UGT1A6: variants seen among roughly 807,000 people sequenced by gnomAD.
UGT1A6 encodes the protein UDP glucuronosyltransferase family 1 member A6.
UGT1A6 carries 32 observed loss-of-function variants against 44.4 expected under a neutral mutation model. The ratio of observed to expected loss-of-function variants is 0.72; its 90% CI spans 0.54 to 0.97. UGT1A6 has a LOEUF of 0.97. UGT1A6 is among the 50% of genes least tolerant of loss of function. The pLI is 0.00. For synonymous variants in UGT1A6, 238 were observed against 248.5 expected, an observed-to-expected ratio of 0.96 and a Z score of 0.40; for missense variants, 685 against 661.9, an observed-to-expected ratio of 1.03 and a Z score of -0.38.
At chr2:233,743,757 C>G (rs774172513) in intron 1 of UGT1A6, 2 of 1,367,374 alleles carry the variant, frequency 1.5e-6, no homozygotes, top group South Asian at 1.1e-5. Context: ...GACAACACCT[C>G]GTAGGCCTCG....
intron 1 of UGT1A6, among the ~76,000 whole-genome samples, chr2:233,766,739 C>T (rs1028534873): frequency 6.6e-6 from 1 of 152,120 alleles, no homozygotes; most frequent in East Asian, 1.9e-4. Context: ...TGTGTATGTA[C>T]AGGTGTGTGC....
chr2:233,766,390 C>T (rs11679312), intron 1 of UGT1A6, among the ~76,000 whole-genome samples: 2,966 of 152,260 alleles, frequency 0.019, 34 homozygotes, highest in Non-Finnish European at 0.031. Context: ...GTCCAGCTGT[C>T]CTTGCGTCCC....
In UGT1A6 at chr2:233,766,945, A is replaced by G. The variant is rs1284295869; in HGVS notation, c.862-89A>G. 3.1e-6 allele frequency: 5 copies of G among 1,597,954 alleles called. No homozygotes were observed. In the East Asian group the frequency reaches 1.1e-4, roughly 36 times the overall value. ...ACGCATGCCTTTAATCATAGTCTTA[A>G]GAGGAAGATATCTAATTCATAACTT... On this transcript the variant is annotated intron_variant, in intron 1 of 4. Coordinates refer to ENST00000305139, the MANE Select transcript of UGT1A6 (RefSeq NM_001072.4).
At chr2:233,730,491 G>C (rs1414931155) in intron 1 of UGT1A6, among the ~76,000 whole-genome samples, 4 of 152,196 alleles carry the variant, frequency 2.6e-5, no homozygotes, top group African/African-American at 9.6e-5. Context: ...TGAAATAGAA[G>C]TGTCAGAGAG....
At chr2:233,704,796 T>TTA (rs2075807222) in intron 1 of UGT1A6, among the ~76,000 whole-genome samples, 1 of 152,134 alleles carries the variant, frequency 6.6e-6, no homozygotes, top group African/African-American at 2.4e-5. Flanking sequence ...AACAATATAA[T>TTA]TATATATATG....
At chr2:233,702,042 A>C (rs1306276715) in intron 1 of UGT1A6, among the ~76,000 whole-genome samples, 1 of 152,222 alleles carries the variant, frequency 6.6e-6, no homozygotes, top group Non-Finnish European at 1.5e-5. Flanking sequence ...CCCTTCAAAA[A>C]ATTAACAATT....
chr2:233,694,505 T>C (rs2076734533), intron 1 of UGT1A6, among the ~76,000 whole-genome samples: 1 of 152,180 alleles, frequency 6.6e-6, no homozygotes, highest in African/African-American at 2.4e-5. Flanking sequence ...ACAGATGCCC[T>C]CCTGACATGT....
intron 1 of UGT1A6, among the ~76,000 whole-genome samples, chr2:233,724,482 A>T (rs1472429927): frequency 6.4e-4 from 41 of 64,386 alleles, no homozygotes; most frequent in South Asian, 1.8e-3. Flanking sequence ...CACTTCTCAG[A>T]CGGGGCGGCC....
rs149894725 is a variant in UGT1A6 at position 233,704,012 on chromosome 2, G to A, written c.861+10147G>A. Among the ~76,000 whole-genome samples the A allele has an allele frequency of 1.6e-4, 24 of 151,646 alleles. No individual in the cohort carries two copies. In the South Asian group the frequency reaches 2.5e-3, roughly 16 times the overall value. ...TTCAAGCAGTTCTCCCACCTCAGCC[G>A]CCCGAGCAGCTGGAACTACAGGTGT... On this transcript the variant is annotated intron_variant, in intron 1 of 4. Coordinates refer to ENST00000305139, the MANE Select transcript of UGT1A6 (RefSeq NM_001072.4).
chr2:233,700,655 T>G (rs1207432323), intron 1 of UGT1A6, among the ~76,000 whole-genome samples: 1 of 152,198 alleles, frequency 6.6e-6, no homozygotes, highest in African/African-American at 2.4e-5. Flanking sequence ...TTTACATATT[T>G]CTACTTTTCA....
At chr2:233,761,015 C>A (rs568151745) in intron 1 of UGT1A6, 1 of 1,614,218 alleles carries the variant, frequency 6.2e-7, no homozygotes, top group Admixed American at 1.7e-5. Flanking sequence ...AGAGAGGTGA[C>A]TGTCCAGGAC....
At chr2:233,701,918 C>A (rs936190696) in intron 1 of UGT1A6, among the ~76,000 whole-genome samples, 1 of 152,056 alleles carries the variant, frequency 6.6e-6, no homozygotes, top group Non-Finnish European at 1.5e-5. Flanking sequence ...GACACCCTAA[C>A]ATCACAATTA....
At chr2:233,729,066 A>G (rs1283687503) in intron 1 of UGT1A6, 3 of 1,611,112 alleles carry the variant, frequency 1.9e-6, no homozygotes, top group Non-Finnish European at 2.5e-6. Context: ...TAAGATGAAG[A>G]AAGCAAATGT....
chr2:233,738,550 A>G (rs1046913634), intron 1 of UGT1A6, among the ~76,000 whole-genome samples: 1 of 152,224 alleles, frequency 6.6e-6, no homozygotes, highest in African/African-American at 2.4e-5. Flanking sequence ...AGTCTCAGAT[A>G]GAGATGAGGA....
In UGT1A6 at chr2:233,693,488, T is replaced by A; in HGVS notation, c.484T>A (p.Tyr162Asn). 6.2e-7 allele frequency: 1 copy of A among 1,614,100 alleles called. No individual in the cohort carries two copies. The highest frequency in any genetic ancestry group is 1.3e-5 in the African/African-American group (1 of 75,000). ...ALPCGVILAEYLGLPSVYLFR... is the reference protein window; with the variant it reads ...ALPCGVILAENLGLPSVYLFR... ...ACCCTGTGGGGTGATCCTGGCTGAG[T>A]ATTTGGGCCTACCATCTGTGTACCT... is the stretch of plus-strand genomic sequence containing the variant. Residue 162 changes from tyrosine (Y) to asparagine (N), a missense_variant, in exon 1 of 5, where the codon TAT becomes AAT. Transcript: ENST00000305139.
chr2:233,692,757 G>A, upstream of UGT1A6: 1 of 1,177,646 alleles, frequency 8.5e-7, no homozygotes, highest in Non-Finnish European at 1.1e-6. Context: ...GACTTGTGGA[G>A]CTGAAGAGAA....
chr2:233,738,647 T>G (rs1690861209), intron 1 of UGT1A6, among the ~76,000 whole-genome samples: 1 of 152,210 alleles, frequency 6.6e-6, no homozygotes, highest in Non-Finnish European at 1.5e-5. Context: ...TAGAGCTCTT[T>G]GGAACTACGA....
At chr2:233,693,927 A>T in intron 1 of UGT1A6, 62 bp downstream of exon 1, 1 of 1,608,872 alleles carries the variant, frequency 6.2e-7, no homozygotes, top group East Asian at 2.2e-5. Flanking sequence ...TCCCTCACTC[A>T]TTTGGCTCCT....
At chr2:233,715,907 A>G (rs1294702392) in intron 1 of UGT1A6, among the ~76,000 whole-genome samples, 1 of 152,180 alleles carries the variant, frequency 6.6e-6, no homozygotes, top group East Asian at 1.9e-4. Flanking sequence ...CTCAGGTGGG[A>G]GGATCATTGA....
Sources: gnomAD v4.1 joint callset for allele counts (sites outside exome capture counted in the v4.1 genomes callset) on GRCh38, gnomAD v4.1.1 for gene constraint, MANE v1.5 for transcripts, NCBI Gene and HGNC (gene_info 2026-07-23, HGNC 2026-07-21) for gene names.